TBKBP1: variants seen among roughly 807,000 people sequenced by gnomAD.
The protein encoded by TBKBP1 is TBK1 binding protein 1.
A neutral mutation model predicts 69.9 loss-of-function variants in TBKBP1; 47 were observed. The observed-to-expected ratio is 0.67, with a 90% CI of 0.53 to 0.86. The LOEUF (loss-of-function observed/expected upper bound fraction) is 0.86. Ranked by LOEUF, TBKBP1 falls within the 40% of genes least tolerant of loss-of-function variation. TBKBP1 has a pLI of 0.00. For missense variants in TBKBP1, 831 were observed against 858.6 expected (o/e 0.97, Z 0.40); for synonymous variants, 418 against 390.3 (o/e 1.07, Z -0.84).
At chr17:47,702,049 C>T (rs1303306302) in intron 7 of TBKBP1, among the ~76,000 whole-genome samples, 1 of 152,222 alleles carries the variant, frequency 6.6e-6, no homozygotes, top group Non-Finnish European at 1.5e-5. Flanking sequence ...GTTTGGCGAG[C>T]GTTAATTCTC....
Position 47,708,381 on chromosome 17 carries a change from C to G in TBKBP1, c.873-13C>G. 4 of 1,613,728 alleles carry G rather than the reference C, an allele frequency of 2.5e-6. No homozygotes were observed. Among genetic ancestry groups the G allele is most frequent in the Non-Finnish European group, 3.4e-6 (4 of 1,179,714 alleles). On this transcript the variant is annotated splice_polypyrimidine_tract_variant and intron_variant, in intron 7 of 9. Coordinates refer to ENST00000578982, the MANE Select transcript of TBKBP1 (RefSeq NM_001394755.1). The surrounding 1 kb of genome is among the most constrained non-coding windows in gnomAD (Gnocchi z 4.4). ...CTGCCCTTCTCGTCTTTCCCACTGC[C>G]CTCTGACTTCAGGGTGAATTTGGCG... is the stretch of plus-strand genomic sequence containing the variant.
Position 47,708,977 on chromosome 17 carries a change from C to T in TBKBP1, c.1244C>T (p.Ser415Phe), listed in dbSNP as rs746975653. The T allele has an allele frequency of 1.8e-6, 2 of 1,127,068 alleles. No homozygotes were observed. The highest frequency in any genetic ancestry group is 3.4e-5 in the South Asian group (1 of 29,668). The allele number at this position is 1,127,068 out of a possible 1,614,324, so 69.8% of individuals were successfully genotyped here. ...SCQSPSPQRR[S>F]PVPPSCPAPQ... ...CAGTCCCCCAGCCCGCAGCGCCGTT[C>T]CCCGGTGCCCCCCAGCTGCCCGGCC... Residue 415 changes from serine (S) to phenylalanine (F), a missense_variant, in exon 9 of 10, where the codon TCC becomes TTC. Physicochemically the swap from Ser to Phe is radical, Grantham distance 155. Transcript: ENST00000578982. The surrounding 1 kb of genome is among the most constrained non-coding windows in gnomAD (Gnocchi z 4.4).
At chr17:47,704,693 C>T (rs573471840) in intron 7 of TBKBP1, among the ~76,000 whole-genome samples, 2 of 152,230 alleles carry the variant, frequency 1.3e-5, no homozygotes, top group African/African-American at 4.8e-5. Context: ...CTGATCCTGA[C>T]CTTCAGCTCT....
chr17:47,694,997 C>G (rs750599150), intron 1 of TBKBP1, among the ~76,000 whole-genome samples: 1 of 151,866 alleles, frequency 6.6e-6, no homozygotes, highest in East Asian at 1.9e-4. Flanking sequence ...CCCTGCCGAG[C>G]CCCCTCTCCG....
At chr17:47,705,047 G>A (rs1357038279) in intron 7 of TBKBP1, among the ~76,000 whole-genome samples, 3 of 152,166 alleles carry the variant, frequency 2.0e-5, no homozygotes, top group Non-Finnish European at 2.9e-5. Flanking sequence ...ACTTCCACAT[G>A]TGTCTAGCAC....
chr17:47,705,142 T>TC (rs1465321936), intron 7 of TBKBP1, among the ~76,000 whole-genome samples: 140 of 152,322 alleles, frequency 9.2e-4, no homozygotes, highest in African/African-American at 3.2e-3. Context: ...CTCCTCTTCG[T>TC]CTTTCCCTTC....
Position 47,698,686 on chromosome 17 carries a change from A to G in TBKBP1, c.545A>G (p.Asn182Ser), listed in dbSNP as rs771596374. ...QQGLQDAAFSNLSPPPAPAPP... is the reference protein window; with the variant it reads ...QQGLQDAAFSSLSPPPAPAPP... ...GGCCTCCAGGATGCAGCCTTCTCCAACCTGAGCCCACCGCCAGCCCCCGCC... is the reference window on the plus strand; with the variant it reads ...GGCCTCCAGGATGCAGCCTTCTCCAGCCTGAGCCCACCGCCAGCCCCCGCC... The change falls in exon 5 of 10, where the codon AAC becomes AGC. Residue 182 changes from asparagine (N) to serine (S), a missense_variant. By Grantham distance (46) the Asn-to-Ser change is conservative. Transcript: ENST00000578982. 1.1e-5 allele frequency: 18 copies of G among 1,604,550 alleles called. No individual in the cohort carries two copies. Among genetic ancestry groups the G allele is most frequent in the Non-Finnish European group, 1.4e-5 (17 of 1,175,892 alleles).
At position 47,696,287 on chromosome 17, in the gene TBKBP1, G is replaced by A; in HGVS notation, c.175G>A (p.Glu59Lys). 6.2e-7 allele frequency: 1 copy of A among 1,613,582 alleles called. No homozygotes were observed. Among genetic ancestry groups the A allele is most frequent in the Non-Finnish European group, 8.5e-7 (1 of 1,179,860 alleles). The change falls in exon 2 of 10, where the codon GAG (glutamate) becomes AAG (lysine). Residue 59 changes from glutamate (E) to lysine (K), a missense_variant. By Grantham distance (56) the Glu-to-Lys change is moderately conservative. Coordinates refer to ENST00000578982, the MANE Select transcript of TBKBP1 (RefSeq NM_001394755.1). Reference protein sequence around the residue: ...GDIKERLGGLERENATLRRRL... With the variant: ...GDIKERLGGLKRENATLRRRL... Reference sequence around the variant, plus strand: ...CATCAAGGAACGGCTGGGGGGCCTGGAGAGGGAGAACGCCACCCTCCGACG... The same window carrying A: ...CATCAAGGAACGGCTGGGGGGCCTGAAGAGGGAGAACGCCACCCTCCGACG...
At chr17:47,702,794 G>C (rs776700562) in intron 7 of TBKBP1, among the ~76,000 whole-genome samples, 2 of 152,082 alleles carry the variant, frequency 1.3e-5, no homozygotes, top group Non-Finnish European at 2.9e-5. Context: ...TGAGGGAGGC[G>C]GTGGGAGCAG....
In TBKBP1 at chr17:47,698,766, T is replaced by G. The variant is rs1172533523; in HGVS notation, c.625T>G (p.Leu209Val). ...CCTGGCACTGAGAGGGGGATCTGGC[T>G]TGAGTCATGGTGAGATCTCAGTGAC... ...HYLALRGGSG[L>V]SHAGWPGSTP... is the part of the protein sequence containing the mutation. The change falls in exon 5 of 10, where the codon TTG becomes GTG. Residue 209 changes from leucine to valine, a missense_variant. Transcript: ENST00000578982. 3 of 1,570,696 alleles carry G rather than the reference T, an allele frequency of 1.9e-6. No homozygotes were observed. Among genetic ancestry groups the G allele is most frequent in the African/African-American group, 2.7e-5 (2 of 74,028 alleles).
chr17:47,708,265 G>A lies in TBKBP1; in HGVS notation c.873-129G>A, dbSNP rs1567909450. 1 of 915,982 alleles carries A rather than the reference G, an allele frequency of 1.1e-6. No homozygotes were observed. The highest frequency in any genetic ancestry group is 1.7e-6 in the Non-Finnish European group (1 of 597,050). 56.7% of individuals were successfully genotyped at this position (915,982 alleles called of 1,614,324 possible). A position where few individuals can be genotyped will look rare whatever the true frequency, so the allele number is the denominator to read the frequency against. On this transcript the variant is annotated intron_variant, in intron 7 of 9. Transcript: ENST00000578982. This position sits in a 1 kb window ranked among gnomAD's most constrained non-coding sequence, Gnocchi z 4.4. ...GGTAGGGAGGATTTCTGCAATTGGGGTAGGAGGGCCCTGCGGGTGGGAGGG... is the reference window on the plus strand; with the variant it reads ...GGTAGGGAGGATTTCTGCAATTGGGATAGGAGGGCCCTGCGGGTGGGAGGG...
chr17:47,697,296 C>A, intron 4 of TBKBP1, 103 bp downstream of exon 4: 2 of 977,848 alleles, frequency 2.0e-6, no homozygotes, highest in Non-Finnish European at 3.1e-6. Context: ...TGTGACAGTG[C>A]AGTCCCATGT....
intron 7 of TBKBP1, among the ~76,000 whole-genome samples, chr17:47,703,905 G>A (rs1023455310): frequency 2.0e-5 from 3 of 152,352 alleles, no homozygotes; most frequent in African/African-American, 7.2e-5. Flanking sequence ...GAAATTCAGT[G>A]CAGATGCCAA....
In TBKBP1 at chr17:47,708,873, G is replaced by T; in HGVS notation, c.1140G>T (p.Pro380=). The T allele has an allele frequency of 5.0e-6, 7 of 1,401,090 alleles. No homozygotes were observed. Among genetic ancestry groups the T allele is most frequent in the Non-Finnish European group, 6.5e-6 (7 of 1,084,308 alleles). 86.8% of individuals were successfully genotyped at this position (1,401,090 alleles called of 1,614,324 possible). A position where few individuals can be genotyped will look rare whatever the true frequency, so the allele number is the denominator to read the frequency against. The change falls in exon 9 of 10, where the codon CCG becomes CCT. Residue 380 remains proline, a synonymous_variant. Coordinates refer to ENST00000578982, the MANE Select transcript of TBKBP1 (RefSeq NM_001394755.1). This position sits in a 1 kb window ranked among gnomAD's most constrained non-coding sequence, Gnocchi z 4.4. Reference sequence around the variant, plus strand: ...CTCCCGTGCCCCCGTGCCCCTCGCCGCAGCAGCGCCGCTCTCCGGCCTCAC... The same window carrying T: ...CTCCCGTGCCCCCGTGCCCCTCGCCTCAGCAGCGCCGCTCTCCGGCCTCAC... ...RRSPVPPCPS[P]QQRRSPASPS...
intron 7 of TBKBP1, among the ~76,000 whole-genome samples, chr17:47,701,857 G>A (rs1358812624): frequency 6.6e-6 from 1 of 152,188 alleles, no homozygotes; most frequent in East Asian, 1.9e-4. Context: ...GGAGGGAGCT[G>A]GCCTCTGCTT....
Position 47,711,121 on chromosome 17 carries a change from A to G in TBKBP1, c.*495A>G, listed in dbSNP as rs2031909455. ...TCTGTGCACTGACCCCAGTTCCTCC[A>G]TCCTGTGGCCAGCCTAGGGCTCATG... is the stretch of plus-strand genomic sequence containing the variant. On this transcript the variant is annotated 3_prime_UTR_variant, in exon 10 of 10. Coordinates refer to ENST00000578982, the MANE Select transcript of TBKBP1 (RefSeq NM_001394755.1). 6.5e-6 allele frequency: 1 copy of G among 152,944 alleles called. No individual in the cohort carries two copies. Among genetic ancestry groups the G allele is most frequent in the African/African-American group, 2.4e-5 (1 of 41,448 alleles). 9.5% of individuals were successfully genotyped at this position (152,944 alleles called of 1,614,324 possible).
chr17:47,702,033 G>C (rs962166045), intron 7 of TBKBP1, among the ~76,000 whole-genome samples: 7 of 152,242 alleles, frequency 4.6e-5, no homozygotes, highest in African/African-American at 1.7e-4. Context: ...TCTCTGGACA[G>C]CCCTAGTTTG....
At chr17:47,696,395 G>C in intron 2 of TBKBP1, 58 bp downstream of exon 2, 1 of 1,562,534 alleles carries the variant, frequency 6.4e-7, no homozygotes, top group Non-Finnish European at 8.7e-7. Context: ...AGGGGGACTG[G>C]GAATCTGGTA....
chr17:47,709,523 C>T, intron 9 of TBKBP1, 71 bp downstream of exon 9: 1 of 1,414,246 alleles, frequency 7.1e-7, no homozygotes, highest in Non-Finnish European at 9.2e-7. Context: ...GCCTCACCCT[C>T]CGTTGAGGGC....
Sources: gnomAD v4.1 joint callset for allele counts (sites outside exome capture counted in the v4.1 genomes callset) on GRCh38, gnomAD v4.1.1 for gene constraint, Gnocchi (gnomAD v3.1) non-coding constraint, MANE v1.5 for transcripts, NCBI Gene and HGNC (gene_info 2026-07-23, HGNC 2026-07-21) for gene names.